Variants in OMA1 observed in about 807,000 individuals in gnomAD.
OMA1 encodes the protein OMA1 zinc metallopeptidase.
In OMA1, 38 loss-of-function variants were observed where a neutral mutation model predicts 30.9. The observed-to-expected ratio is 1.23, with a 90% CI of 0.95 to 1.61. The LOEUF (loss-of-function observed/expected upper bound fraction) is 1.61, where lower values mean the gene tolerates loss of function less well. OMA1 is among the 40% of genes most tolerant of loss of function. The probability of loss-of-function intolerance (pLI) is 0.00; values close to 1 mark genes in which losing one functional copy is unlikely to be tolerated. For missense variants in OMA1, 461 were observed against 349.2 expected, an observed-to-expected ratio of 1.32 and a Z score of -2.55; for synonymous variants, 173 against 121.9, an observed-to-expected ratio of 1.42 and a Z score of -2.76.
At chr1:58,528,046 T>C (rs1646379055) in intron 6 of OMA1, among the ~76,000 whole-genome samples, 2 of 152,230 alleles carry the variant, frequency 1.3e-5, no homozygotes. Context: ...AAGCAATCTT[T>C]CAAAGGTAGC....
At chr1:58,498,130 T>C (rs904115045) in intron 8 of OMA1, among the ~76,000 whole-genome samples, 3 of 152,114 alleles carry the variant, frequency 2.0e-5, no homozygotes, top group African/African-American at 7.2e-5. Context: ...TATAAAAGGA[T>C]TATACTGTTC....
At chr1:58,490,431 A>G (rs1488351050) in intron 8 of OMA1, among the ~76,000 whole-genome samples, 1 of 152,238 alleles carries the variant, frequency 6.6e-6, no homozygotes, top group Non-Finnish European at 1.5e-5. Flanking sequence ...TCCAAGAAAT[A>G]TGGGACTATG....
intron 7 of OMA1, among the ~76,000 whole-genome samples, chr1:58,517,021 T>C (rs1024006024): frequency 7.9e-5 from 12 of 151,900 alleles, no homozygotes; most frequent in African/African-American, 2.9e-4. Context: ...GTCAAGGGAG[T>C]CTGATGCATC....
chr1:58,483,796 G>A (rs1645529297), intron 8 of OMA1, among the ~76,000 whole-genome samples: 1 of 152,196 alleles, frequency 6.6e-6, no homozygotes, highest in African/African-American at 2.4e-5. Flanking sequence ...GACTGTCTCT[G>A]CAAAATTGGG....
intron 8 of OMA1, among the ~76,000 whole-genome samples, chr1:58,498,492 C>T (rs1233693783): frequency 6.6e-6 from 1 of 152,082 alleles, no homozygotes; most frequent in East Asian, 1.9e-4. Flanking sequence ...GTCAATGGCC[C>T]TAATCCAAAG....
At chr1:58,521,404 A>G in intron 7 of OMA1, among the ~76,000 whole-genome samples, 1 of 152,084 alleles carries the variant, frequency 6.6e-6, no homozygotes, top group Non-Finnish European at 1.5e-5. Flanking sequence ...TGAAACCCAA[A>G]AAATGAATGC....
rs750388181 is a variant in OMA1, at chr1:58,527,276, T to G, written c.1200A>C (p.Leu400=). ...AACACTTTACCTTTGCAGCAAGCAG[T>G]AGTCCAATTTTGTCAGCTTCGGCCT... The part of the protein sequence containing the change: ...KLEAEADKIG[L]LLAAKACADI... The change falls in exon 7 of 9, where the codon CTA becomes CTC. Residue 400 remains leucine (L), a synonymous_variant. Transcript: ENST00000371226. 10 of 872,324 alleles carry G rather than the reference T, an allele frequency of 1.1e-5. No individual in the cohort carries two copies. The South Asian group carries it at 1.3e-4, about 11-fold the overall frequency. 54.0% of individuals were successfully genotyped at this position (872,324 alleles called of 1,614,324 possible). A position where few individuals can be genotyped will look rare whatever the true frequency, so the allele number is the denominator to read the frequency against.
chr1:58,543,067 G>GC (rs1368004983), intron 1 of OMA1, among the ~76,000 whole-genome samples: 1 of 151,788 alleles, frequency 6.6e-6, no homozygotes, highest in African/African-American at 2.4e-5. Context: ...AGACCACAAA[G>GC]CCAGAGTGAA....
At chr1:58,544,083 C>T (rs1646664490) in intron 1 of OMA1, among the ~76,000 whole-genome samples, 1 of 152,148 alleles carries the variant, frequency 6.6e-6, no homozygotes, top group Non-Finnish European at 1.5e-5. Context: ...GAGGTGCAAA[C>T]AGTTATGATG....
intron 6 of OMA1, among the ~76,000 whole-genome samples, chr1:58,529,851 T>C (rs576307334): frequency 8.5e-5 from 13 of 152,270 alleles, no homozygotes; most frequent in Non-Finnish European, 1.5e-5. Context: ...AGGATGTGCA[T>C]AGTTACATGC....
chr1:58,536,831 C>T lies in OMA1; in HGVS notation c.501-90G>A. 2.8e-6 allele frequency: 2 copies of T among 712,440 alleles called. 1 individual carries two copies. Among genetic ancestry groups the T allele is most frequent in the South Asian group, 3.5e-5 (2 of 57,768 alleles). The allele number at this position is 712,440 out of a possible 1,614,324, so 44.1% of individuals were successfully genotyped here. A position where few individuals can be genotyped will look rare whatever the true frequency, so the allele number is the denominator to read the frequency against. ...TGCATACACTAGAATTTTACGTCCT[C>T]AAATACCTGAATTTGTATGATGTAT... On this transcript the variant is annotated intron_variant, in intron 2 of 8. Transcript: ENST00000371226.
chr1:58,501,993 T>G (rs965135479), intron 8 of OMA1, among the ~76,000 whole-genome samples: 9 of 152,000 alleles, frequency 5.9e-5, no homozygotes, highest in African/African-American at 2.2e-4. Context: ...ATAAGCTTCA[T>G]GAGGACAGGG....
intron 7 of OMA1, among the ~76,000 whole-genome samples, chr1:58,522,804 TAAGG>T (rs1044839744): frequency 4.6e-5 from 7 of 152,142 alleles, no homozygotes; most frequent in African/African-American, 1.7e-4. Context: ...AAGAAAACCA[TAAGG>T]AAGAGAAAAT....
At chr1:58,488,316 T>C (rs1645612527) in intron 8 of OMA1, among the ~76,000 whole-genome samples, 1 of 152,176 alleles carries the variant, frequency 6.6e-6, no homozygotes, top group African/African-American at 2.4e-5. Context: ...ACCATAACTT[T>C]GTTTTATTTA....
intron 5 of OMA1, among the ~76,000 whole-genome samples, chr1:58,531,063 A>G (rs186269062): frequency 5.6e-4 from 86 of 152,344 alleles, no homozygotes; most frequent in African/African-American, 2.0e-3. Flanking sequence ...ACTGAGATAG[A>G]GAGAGGTTAA....
intron 7 of OMA1, among the ~76,000 whole-genome samples, chr1:58,511,081 T>C (rs1646069589): frequency 6.6e-6 from 1 of 152,194 alleles, no homozygotes; most frequent in Non-Finnish European, 1.5e-5. Context: ...ATGAGATCTC[T>C]ATGAAAATCC....
At chr1:58,499,477 T>TAGATAG in intron 8 of OMA1, among the ~76,000 whole-genome samples, 1 of 143,662 alleles carries the variant, frequency 7.0e-6, no homozygotes, top group South Asian at 2.2e-4. Flanking sequence ...AAAGCCAGAC[T>TAGATAG]ATAGATAGAT....
rs535380194 is a variant in OMA1 at position 58,543,568 on chromosome 1, C to G, written c.-17+3135G>C. ...AACCCCTCCCACTACAGTTTGACCCCAAACTAGAGCTAAAGCATTATTTCT... is the reference window on the plus strand; with the variant it reads ...AACCCCTCCCACTACAGTTTGACCCGAAACTAGAGCTAAAGCATTATTTCT... On this transcript the variant is annotated intron_variant, in intron 1 of 8. Transcript: ENST00000371226. Among the ~76,000 whole-genome samples the G allele has an allele frequency of 2.0e-5, 3 of 152,206 alleles. No homozygotes were observed. In the South Asian group the frequency reaches 6.2e-4, roughly 32 times the overall value.
At chr1:58,500,597 A>C (rs189374429) in intron 8 of OMA1, among the ~76,000 whole-genome samples, 1 of 152,302 alleles carries the variant, frequency 6.6e-6, no homozygotes, top group East Asian at 1.9e-4. Flanking sequence ...TTTGATAAAG[A>C]TTTTTTTAAG....
Sources: allele counts gnomAD v4.1 joint callset (sites outside exome capture counted in the v4.1 genomes callset), GRCh38; gene constraint gnomAD v4.1.1; transcripts MANE v1.5; gene names NCBI Gene and HGNC (gene_info 2026-07-23, HGNC 2026-07-21).